Variants in CSMD3 observed in about 807,000 individuals in gnomAD.
The protein encoded by CSMD3 is CUB and sushi domain-containing protein 3.
A neutral mutation model predicts 435.2 loss-of-function variants in CSMD3; 177 were observed. That is an observed-to-expected ratio of 0.41 (90% confidence interval 0.36 to 0.46). The LOEUF (loss-of-function observed/expected upper bound fraction) is 0.46, where lower values mean the gene tolerates loss of function less well. Among genes scored for constraint, CSMD3 ranks in the 20% least tolerant of loss-of-function variants. The pLI is 0.34. For synonymous variants in CSMD3, 1,656 were observed against 1,520.5 expected, an observed-to-expected ratio of 1.09 and a Z score of -2.07; for missense variants, 4,265 against 4,504.6, an observed-to-expected ratio of 0.95 and a Z score of 1.52.
chr8:113,204,313 T>C (rs2092747019), intron 3 of CSMD3, among the ~76,000 whole-genome samples: 1 of 152,160 alleles, frequency 6.6e-6, no homozygotes, highest in Non-Finnish European at 1.5e-5. Flanking sequence ...AGAACTCACA[T>C]ATCACAAATG....
chr8:112,347,356 G>A (rs147399971), intron 40 of CSMD3, among the ~76,000 whole-genome samples: 3 of 152,214 alleles, frequency 2.0e-5, no homozygotes, highest in African/African-American at 7.2e-5. Context: ...TACAAATGAA[G>A]TTCAAAAGTT....
At chr8:112,749,785 C>T (rs2077524819) in intron 13 of CSMD3, among the ~76,000 whole-genome samples, 1 of 152,006 alleles carries the variant, frequency 6.6e-6, no homozygotes, top group African/African-American at 2.4e-5. Flanking sequence ...ACGAACATGT[C>T]TATTTGCAGT....
chr8:112,657,430 C>A (rs2075283491), intron 17 of CSMD3, among the ~76,000 whole-genome samples: 1 of 152,194 alleles, frequency 6.6e-6, no homozygotes, highest in Non-Finnish European at 1.5e-5. Context: ...CCAAGTCTCC[C>A]TGACTCTAAC....
At chr8:112,731,580 G>A (rs1254763237) in intron 13 of CSMD3, among the ~76,000 whole-genome samples, 3 of 151,892 alleles carry the variant, frequency 2.0e-5, no homozygotes, top group Admixed American at 6.6e-5. Flanking sequence ...ATCTTCTTTT[G>A]TAACTCTTCT....
In CSMD3 at chr8:113,053,436, T is replaced by C. The variant is rs1279438668; in HGVS notation, c.918-34257A>G. Among the ~76,000 whole-genome samples the C allele has an allele frequency of 2.0e-5, 3 of 152,094 alleles. No homozygotes were observed. The South Asian group carries it at 6.2e-4, about 32-fold the overall frequency. On this transcript the variant is annotated intron_variant, in intron 5 of 70. Transcript: ENST00000297405. The stretch of plus-strand genomic sequence containing the variant: ...AAGTAGGAATATATTCATGTTTTTA[T>C]AAACATATATAAATAATTATATGTG...
At position 113,347,405 on chromosome 8, in the gene CSMD3, T is replaced by C. The variant is rs74683676; in HGVS notation, c.179-32612A>G. 8.3e-3 allele frequency among the ~76,000 whole-genome samples: 1,267 copies of C among 152,280 alleles called. 16 individuals carry two copies. The highest frequency in any genetic ancestry group is 0.028 in the African/African-American group (1,182 of 41,576). On this transcript the variant is annotated intron_variant, in intron 1 of 70. Transcript: ENST00000297405. ...TCACTATTTACTTTAGAAGGAATAA[T>C]ACATTGAAAGGCGTGTAAAGGTGAA...
intron 28 of CSMD3, among the ~76,000 whole-genome samples, chr8:112,508,329 C>A (rs1822747238): frequency 6.6e-6 from 1 of 152,154 alleles, no homozygotes; most frequent in African/African-American, 2.4e-5. Context: ...TTATCATGAC[C>A]TAGATAAGCT....
intron 10 of CSMD3, among the ~76,000 whole-genome samples, chr8:112,910,042 T>C (rs951865541): frequency 6.6e-6 from 1 of 151,774 alleles, no homozygotes; most frequent in African/African-American, 2.4e-5. Flanking sequence ...AGAGACTCCC[T>C]AAGAAAACAG....
At chr8:113,239,237 T>G (rs963588482) in intron 3 of CSMD3, among the ~76,000 whole-genome samples, 2 of 152,098 alleles carry the variant, frequency 1.3e-5, no homozygotes, top group African/African-American at 4.8e-5. Flanking sequence ...GGTCTCCAGC[T>G]TGCCACCAAC....
intron 5 of CSMD3, among the ~76,000 whole-genome samples, chr8:113,023,623 C>T (rs185976204): frequency 6.4e-4 from 97 of 152,144 alleles, no homozygotes; most frequent in Non-Finnish European, 1.0e-3. Flanking sequence ...GCATATACTT[C>T]GCTTTGAGGC....
intron 54 of CSMD3, among the ~76,000 whole-genome samples, chr8:112,293,165 A>G (rs1050263037): frequency 6.6e-6 from 1 of 151,890 alleles, no homozygotes; most frequent in Non-Finnish European, 1.5e-5. Flanking sequence ...CCGGGGTGGG[A>G]GGATTGCTTG....
At chr8:113,431,116 G>T (rs148911814) in intron 1 of CSMD3, among the ~76,000 whole-genome samples, 1 of 152,280 alleles carries the variant, frequency 6.6e-6, no homozygotes, top group East Asian at 1.9e-4. Context: ...TGCAGGCATG[G>T]AGGTAGGTAT....
intron 22 of CSMD3, among the ~76,000 whole-genome samples, chr8:112,612,066 C>G (rs771684890): frequency 6.6e-6 from 1 of 152,032 alleles, no homozygotes; most frequent in African/African-American, 2.4e-5. Flanking sequence ...AATGAAATAA[C>G]CAATTTTACC....
At chr8:113,319,426 G>A (rs961235544) in intron 1 of CSMD3, among the ~76,000 whole-genome samples, 3 of 151,842 alleles carry the variant, frequency 2.0e-5, no homozygotes, top group Admixed American at 6.6e-5. Context: ...CTGCTATTGA[G>A]TTATAAGAAT....
At chr8:113,248,221 T>C (rs959321394) in intron 3 of CSMD3, among the ~76,000 whole-genome samples, 2 of 151,758 alleles carry the variant, frequency 1.3e-5, no homozygotes, top group African/African-American at 4.8e-5. Flanking sequence ...GTAAGAGTGT[T>C]GAATACAATG....
chr8:112,296,549 C>T (rs76692852), intron 53 of CSMD3, among the ~76,000 whole-genome samples: 1 of 120,646 alleles, frequency 8.3e-6, no homozygotes, highest in South Asian at 2.8e-4. Flanking sequence ...GACTCCACCT[C>T]AAAAAAAAAA....
intron 38 of CSMD3, among the ~76,000 whole-genome samples, chr8:112,358,296 T>C (rs1826838139): frequency 6.6e-6 from 1 of 152,190 alleles, no homozygotes; most frequent in South Asian, 2.1e-4. Context: ...GGCTCATAGA[T>C]GGAAGGGACT....
chr8:112,728,619 C>T (rs1587099461), intron 13 of CSMD3, among the ~76,000 whole-genome samples: 1 of 151,920 alleles, frequency 6.6e-6, no homozygotes, highest in East Asian at 1.9e-4. Context: ...TCTTCTCCTC[C>T]TCCCATAATG....
rs573116897 is a variant in CSMD3 at position 112,295,979 on chromosome 8, A to G, written c.8468T>C (p.Ile2823Thr). The change falls in exon 54 of 71, where the codon ATT becomes ACT. Residue 2823 changes from isoleucine to threonine, a missense_variant. By Grantham distance (89) the Ile-to-Thr change is moderately conservative (BLOSUM62 -1). Transcript: ENST00000297405. ...LAGHCGIPEL[I>T]VNGQVIGENY... is the part of the protein sequence containing the mutation. Reference sequence around the variant, plus strand: ...TTCTCCAATGACTTGACCATTCACAATCAGTTCTGGAATTCCACAATGACC... The same window carrying G: ...TTCTCCAATGACTTGACCATTCACAGTCAGTTCTGGAATTCCACAATGACC... 4.6e-5 allele frequency: 74 copies of G among 1,613,318 alleles called. 1 individual carries two copies. Among genetic ancestry groups the G allele is most frequent in the South Asian group, 4.4e-4 (40 of 91,070 alleles).
Sources: gnomAD v4.1 joint callset for allele counts (sites outside exome capture counted in the v4.1 genomes callset) on GRCh38, gnomAD v4.1.1 for gene constraint, MANE v1.5 for transcripts, NCBI Gene and HGNC (gene_info 2026-07-23, HGNC 2026-07-21) for gene names.